The following SUCLG2 variants were observed in gnomAD, a reference collection of about 807,000 sequenced individuals.
SUCLG2 encodes succinate-CoA ligase GDP-forming subunit beta, also known as succinate--CoA ligase [GDP-forming] subunit beta, mitochondrial.
Under a neutral mutation model 47.9 loss-of-function variants are expected in SUCLG2, and 42 were observed. The observed-to-expected ratio is 0.88, with a 90% confidence interval of 0.69 to 1.14. SUCLG2 has a LOEUF of 1.14. Among genes scored for constraint, SUCLG2 ranks in the 50% most tolerant of loss-of-function variants. SUCLG2 has a pLI of 0.00. For missense variants in SUCLG2, 571 were observed against 525.9 expected (o/e 1.09, Z -0.84); for synonymous variants, 195 against 197.3 (o/e 0.99, Z 0.10).
At chr3:67,394,260 G>C (rs575903850) in intron 10 of SUCLG2, among the ~76,000 whole-genome samples, 7,977 of 151,986 alleles carry the variant, frequency 0.052, 661 homozygotes, top group African/African-American at 0.18. Context: ...AGGCAAAGAA[G>C]TTAAAAACTT....
intron 2 of SUCLG2, among the ~76,000 whole-genome samples, chr3:67,586,457 G>C (rs1708022118): frequency 6.6e-6 from 1 of 152,180 alleles, no homozygotes; most frequent in African/African-American, 2.4e-5. Context: ...GATTTCGAGA[G>C]ATCAGAAACA....
chr3:67,588,211 T>C (rs952886882), intron 2 of SUCLG2, among the ~76,000 whole-genome samples: 4 of 152,326 alleles, frequency 2.6e-5, no homozygotes, highest in Non-Finnish European at 5.9e-5. Context: ...TGAAAATCAT[T>C]ATAATAAATA....
At chr3:67,492,683 A>T (rs979777936) in intron 9 of SUCLG2, among the ~76,000 whole-genome samples, 1 of 152,188 alleles carries the variant, frequency 6.6e-6, no homozygotes, top group African/African-American at 2.4e-5. Flanking sequence ...CTTTATATGA[A>T]TTCAGTTCAG....
chr3:67,508,673 T>C, intron 7 of SUCLG2, 134 bp downstream of exon 7: 1 of 712,380 alleles, frequency 1.4e-6, no homozygotes, highest in South Asian at 2.0e-5. Flanking sequence ...TGGGAGCATT[T>C]CAAACTATGG....
At chr3:67,502,254 A>C (rs1051426332) in intron 7 of SUCLG2, among the ~76,000 whole-genome samples, 1 of 152,238 alleles carries the variant, frequency 6.6e-6, no homozygotes, top group Non-Finnish European at 1.5e-5. Context: ...TTCTGTGTTG[A>C]GAGTTTGGTA....
intron 9 of SUCLG2, among the ~76,000 whole-genome samples, chr3:67,404,417 G>T (rs143457227): frequency 2.3e-3 from 346 of 149,368 alleles, no homozygotes; most frequent in African/African-American, 8.0e-3. Flanking sequence ...AAGAGAGAGA[G>T]AAAGTGCAAA....
chr3:67,397,965 A>G (rs994250837), intron 10 of SUCLG2, among the ~76,000 whole-genome samples: 1 of 150,682 alleles, frequency 6.6e-6, no homozygotes, highest in African/African-American at 2.4e-5. Context: ...CTGGCTAGCC[A>G]TATGTAGAAA....
chr3:67,620,616 AAAAAG>A (rs1700719994), intron 1 of SUCLG2, among the ~76,000 whole-genome samples: 1 of 151,674 alleles, frequency 6.6e-6, no homozygotes, highest in African/African-American at 2.4e-5. Flanking sequence ...AAGAAAAAAG[AAAAAG>A]AAAAGAAAGA....
chr3:67,474,378 C>G (rs909134317), intron 9 of SUCLG2, among the ~76,000 whole-genome samples: 1 of 152,078 alleles, frequency 6.6e-6, no homozygotes, highest in Non-Finnish European at 1.5e-5. Flanking sequence ...CAAAATAATG[C>G]CCCCAAATGA....
chr3:67,576,407 A>G lies in SUCLG2; in HGVS notation c.226+33048T>C, dbSNP rs185259315. On this transcript the variant is annotated intron_variant, in intron 2 of 10. Coordinates refer to ENST00000307227, the MANE Select transcript of SUCLG2 (RefSeq NM_003848.4). ...ACAATTGGTCCAAGTTTTAACAGGA[A>G]AAAAAAAAGGTAGACTTAGGAAATT... is the stretch of plus-strand genomic sequence containing the variant. Among the ~76,000 whole-genome samples the G allele has an allele frequency of 2.9e-3, 443 of 151,540 alleles. 7 individuals carry two copies. Among genetic ancestry groups the G allele is most frequent in the Non-Finnish European group, 1.5e-3 (104 of 67,764 alleles).
At chr3:67,452,901 T>C (rs1009747196) in intron 9 of SUCLG2, among the ~76,000 whole-genome samples, 1 of 152,234 alleles carries the variant, frequency 6.6e-6, no homozygotes, top group African/African-American at 2.4e-5. Context: ...TTCTAGCCAT[T>C]GCACTGCCTT....
intron 2 of SUCLG2, among the ~76,000 whole-genome samples, chr3:67,597,791 A>G (rs2107290782): frequency 6.6e-6 from 1 of 151,906 alleles, no homozygotes; most frequent in East Asian, 2.0e-4. Flanking sequence ...TACAAAAATT[A>G]GCCAGGCACG....
intron 9 of SUCLG2, among the ~76,000 whole-genome samples, chr3:67,453,961 A>G (rs1403829359): frequency 1.3e-5 from 2 of 152,200 alleles, no homozygotes; most frequent in African/African-American, 2.4e-5. Flanking sequence ...GTGTGTGTGT[A>G]TGTGTGTGCA....
chr3:67,388,254 T>C (rs1397328575), intron 10 of SUCLG2, among the ~76,000 whole-genome samples: 2 of 152,208 alleles, frequency 1.3e-5, no homozygotes, highest in Admixed American at 1.3e-4. Flanking sequence ...CTACCCTCTT[T>C]CCACTATTAT....
intron 2 of SUCLG2, among the ~76,000 whole-genome samples, chr3:67,594,496 T>A (rs1028917010): frequency 6.6e-5 from 10 of 152,176 alleles, no homozygotes; most frequent in Admixed American, 2.6e-4. Flanking sequence ...CTCGTGTTCA[T>A]CCTCACAGGT....
intron 5 of SUCLG2, among the ~76,000 whole-genome samples, chr3:67,518,808 C>T (rs917333344): frequency 6.6e-6 from 1 of 152,120 alleles, no homozygotes; most frequent in Non-Finnish European, 1.5e-5. Context: ...GTCTCAAAGA[C>T]ACCGAGCACT....
chr3:67,433,071 G>C (rs1243818842), intron 9 of SUCLG2, among the ~76,000 whole-genome samples: 1 of 152,080 alleles, frequency 6.6e-6, no homozygotes. Context: ...TAGGGGAAAG[G>C]GTGTCTATTA....
chr3:67,498,388 T>G, intron 7 of SUCLG2, 93 bp from the exon 8 acceptor site: 3 of 1,328,696 alleles, frequency 2.3e-6, no homozygotes, highest in Non-Finnish European at 3.1e-6. Context: ...AAGGGAAAGT[T>G]AAGTACTGTC....
chr3:67,555,517 C>A (rs992488862), intron 2 of SUCLG2, among the ~76,000 whole-genome samples: 1 of 152,026 alleles, frequency 6.6e-6, no homozygotes, highest in Non-Finnish European at 1.5e-5. Flanking sequence ...CAAAAACAAC[C>A]AGGGTTTCTT....
Sources: allele counts gnomAD v4.1 joint callset (sites outside exome capture counted in the v4.1 genomes callset), GRCh38; gene constraint gnomAD v4.1.1; transcripts MANE v1.5; gene names NCBI Gene and HGNC (gene_info 2026-07-23, HGNC 2026-07-21).